The following CPAMD8 variants were observed in gnomAD, a reference collection of about 807,000 sequenced individuals.
The protein encoded by CPAMD8 is C3 and PZP-like alpha-2-macroglobulin domain-containing protein 8.
A neutral mutation model predicts 224.7 loss-of-function variants in CPAMD8; 146 were observed. The ratio of observed to expected loss-of-function variants is 0.65; its 90% CI spans 0.57 to 0.75. The LOEUF is 0.75. CPAMD8 is among the 30% of genes least tolerant of loss of function. The probability of loss-of-function intolerance (pLI) is 0.00; values close to 1 mark genes in which losing one functional copy is unlikely to be tolerated. For synonymous variants in CPAMD8, 966 were observed against 1,044.6 expected (o/e 0.92, Z 1.45); for missense variants, 2,301 against 2,537.5 (o/e 0.91, Z 2.00).
chr19:16,987,152 CAAAAAAAAAA>C (rs1214757739), intron 13 of CPAMD8, among the ~76,000 whole-genome samples: 6 of 23,004 alleles, frequency 2.6e-4, no homozygotes, highest in East Asian at 1.3e-3. Context: ...GAGACTCTGT[CAAAAAAAAAA>C]AAAAAAAAAA....
At chr19:16,920,814 C>T (rs1196442219) in intron 27 of CPAMD8, among the ~76,000 whole-genome samples, 4 of 150,590 alleles carry the variant, frequency 2.7e-5, no homozygotes, top group Admixed American at 1.3e-4. Flanking sequence ...CAAGATTGCA[C>T]CACTGCACTC....
At chr19:16,987,179 A>AAATATATATATATATAT (rs1555784836) in intron 13 of CPAMD8, among the ~76,000 whole-genome samples, 2 of 53,922 alleles carry the variant, frequency 3.7e-5, no homozygotes, top group African/African-American at 1.0e-4. Flanking sequence ...AAAAAAAAAA[A>AAATATATATATATATAT]ATATATATAT....
chr19:16,987,179 AATATAT>A (rs775029154), intron 13 of CPAMD8, among the ~76,000 whole-genome samples: 4,031 of 53,538 alleles, frequency 0.075, 405 homozygotes, highest in East Asian at 0.18. Flanking sequence ...AAAAAAAAAA[AATATAT>A]ATATATATAT....
At chr19:16,921,027 C>T (rs118082244) in intron 27 of CPAMD8, among the ~76,000 whole-genome samples, 1 of 151,986 alleles carries the variant, frequency 6.6e-6, no homozygotes, top group Non-Finnish European at 1.5e-5. Flanking sequence ...TGATTGGGGC[C>T]TTGCGTTATC....
In CPAMD8 at chr19:16,937,800, G is replaced by A. The variant is rs556705524; in HGVS notation, c.2845+595C>T. ...CCTGAGCAGCTGGGATTACAGGTGC[G>A]TGCCACCACGACCAGCTAATTTTTT... On this transcript the variant is annotated intron_variant, in intron 23 of 41. Coordinates refer to ENST00000443236, the MANE Select transcript of CPAMD8 (RefSeq NM_015692.5). Among the ~76,000 whole-genome samples the A allele has an allele frequency of 3.2e-4, 48 of 152,094 alleles. 1 individual carries two copies. The highest frequency in any genetic ancestry group is 2.2e-3 in the Admixed American group (34 of 15,272).
At chr19:16,893,551 C>G in intron 41 of CPAMD8, 1 of 478,086 alleles carries the variant, frequency 2.1e-6, no homozygotes, top group Non-Finnish European at 3.7e-6. Flanking sequence ...AAATAAATAC[C>G]ACCCCGGAGA....
intron 2 of CPAMD8, among the ~76,000 whole-genome samples, 191 bp downstream of exon 2, chr19:17,021,839 G>C (rs951403326): frequency 3.3e-5 from 5 of 152,226 alleles, no homozygotes; most frequent in African/African-American, 1.2e-4. Context: ...CCCATCCTGG[G>C]CTTTACTCTC....
intron 20 of CPAMD8, among the ~76,000 whole-genome samples, chr19:16,948,869 A>AGGG (rs2054198292): frequency 1.4e-4 from 1 of 6,924 alleles, no homozygotes; most frequent in Non-Finnish European, 2.4e-4. Flanking sequence ...AGGGAAAGGA[A>AGGG]AGGGAAGGGA....
At chr19:16,975,035 C>G in intron 17 of CPAMD8, 62 bp downstream of exon 17, 1 of 1,552,370 alleles carries the variant, frequency 6.4e-7, no homozygotes, top group Admixed American at 2.1e-5. Context: ...CTCCAAGACT[C>G]TTATTTCTAG....
In CPAMD8 at chr19:16,901,310, G is replaced by A. The variant is rs2052248529; in HGVS notation, c.4686-13C>T. ...TGCATGCAGCCACCTTCCAACAACA[G>A]GGGAGAGAGAGAGGCCCTAGAGCTC... On this transcript the variant is annotated splice_polypyrimidine_tract_variant and intron_variant, in intron 35 of 41. Transcript: ENST00000443236. The A allele has an allele frequency of 6.3e-7, 1 of 1,576,560 alleles. No homozygotes were observed. The highest frequency in any genetic ancestry group is 1.1e-5 in the South Asian group (1 of 89,198).
intron 3 of CPAMD8, among the ~76,000 whole-genome samples, chr19:17,014,924 C>A (rs1250849940): frequency 6.6e-6 from 1 of 152,234 alleles, no homozygotes; most frequent in Non-Finnish European, 1.5e-5. Flanking sequence ...ACCTGGGGAG[C>A]TATGTGCACC....
chr19:16,984,849 G>C (rs1299737850), intron 13 of CPAMD8, among the ~76,000 whole-genome samples: 1 of 152,154 alleles, frequency 6.6e-6, no homozygotes, highest in African/African-American at 2.4e-5. Context: ...TAAAAACCAA[G>C]TACATACACA....
chr19:16,970,824 C>T (rs896842948), intron 18 of CPAMD8, 67 bp downstream of exon 18: 1 of 1,471,646 alleles, frequency 6.8e-7, no homozygotes, highest in Non-Finnish European at 9.4e-7. Flanking sequence ...CCAGGAAGGA[C>T]AAAGACAAGC....
intron 18 of CPAMD8, among the ~76,000 whole-genome samples, chr19:16,967,893 G>GCGCATATATACACACACA (rs2054898735): frequency 6.9e-5 from 3 of 43,308 alleles, no homozygotes; most frequent in Non-Finnish European, 1.5e-4. Context: ...ACACACACAT[G>GCGCATATATACACACACA]TGTGTGTATA....
intron 22 of CPAMD8, among the ~76,000 whole-genome samples, chr19:16,941,647 T>C (rs1243998494): frequency 6.6e-6 from 1 of 152,146 alleles, no homozygotes; most frequent in Non-Finnish European, 1.5e-5. Context: ...GTTCTCGTGA[T>C]AATGGGTGAG....
In CPAMD8 at chr19:16,897,977, C is replaced by A. The variant is rs543437710; in HGVS notation, c.4866G>T (p.Leu1622=). 77 of 1,610,710 alleles carry A rather than the reference C, an allele frequency of 4.8e-5. No individual in the cohort carries two copies. Among genetic ancestry groups the A allele is most frequent in the South Asian group, 2.3e-4 (21 of 90,864 alleles). Residue 1622 remains leucine, a synonymous_variant, in exon 38 of 42, where the codon CTG becomes CTT. Coordinates refer to ENST00000443236, the MANE Select transcript of CPAMD8 (RefSeq NM_015692.5). ...FYFDEIPSRC[L]TCVRFRALRE... The stretch of plus-strand genomic sequence containing the variant: ...GGAGAGCACGGAACCGCACGCACGT[C>A]AGGCACCGGCTGGGGATCTGTGGGG...
At chr19:16,909,428 C>T (rs2052641654) in intron 29 of CPAMD8, among the ~76,000 whole-genome samples, 1 of 152,000 alleles carries the variant, frequency 6.6e-6, no homozygotes, top group Non-Finnish European at 1.5e-5. Flanking sequence ...CCTGTAGATC[C>T]AGCTACTCAG....
intron 41 of CPAMD8, chr19:16,895,949 A>C: frequency 4.4e-6 from 3 of 675,398 alleles, no homozygotes; most frequent in African/African-American, 1.8e-5. Context: ...GCCCGCGCAC[A>C]GCTGTTCGCT....
intron 12 of CPAMD8, among the ~76,000 whole-genome samples, chr19:16,991,292 G>T (rs770859490): frequency 2.6e-5 from 4 of 152,160 alleles, no homozygotes; most frequent in Non-Finnish European, 1.5e-5. Flanking sequence ...CTATGGTAAA[G>T]CTGTAATTAA....
Sources: allele counts gnomAD v4.1 joint callset (sites outside exome capture counted in the v4.1 genomes callset), GRCh38; gene constraint gnomAD v4.1.1; transcripts MANE v1.5; gene names NCBI Gene and HGNC (gene_info 2026-07-23, HGNC 2026-07-21).